CD6: variants seen among roughly 807,000 people sequenced by gnomAD.
The protein encoded by CD6 is T-cell differentiation antigen CD6.
Under a neutral mutation model 75.3 loss-of-function variants are expected in CD6, and 53 were observed. The ratio of observed to expected loss-of-function variants is 0.70; its 90% CI spans 0.56 to 0.88. The LOEUF (loss-of-function observed/expected upper bound fraction) is 0.88. CD6 is among the 40% of genes least tolerant of loss of function. The pLI, the probability that CD6 is intolerant of heterozygous loss-of-function variation, is 0.00. For missense variants in CD6, 770 were observed against 897.1 expected (o/e 0.86, Z 1.81); for synonymous variants, 359 against 381.5 (o/e 0.94, Z 0.69).
chr11:60,971,806 G>C lies in CD6; in HGVS notation c.-60G>C, dbSNP rs367630662. The C allele has an allele frequency of 6.3e-7, 1 of 1,576,246 alleles. No homozygotes were observed. The highest frequency in any genetic ancestry group is 1.1e-5 in the South Asian group (1 of 88,888). On this transcript the variant is annotated 5_prime_UTR_variant, in exon 1 of 13. Coordinates refer to ENST00000313421, the MANE Select transcript of CD6 (RefSeq NM_006725.5). ...CGCACAACGGCCGTGTCCACCTCCCGGCCCCAAGATGGTGCTTCCCACAGG... is the reference window on the plus strand; with the variant it reads ...CGCACAACGGCCGTGTCCACCTCCCCGCCCCAAGATGGTGCTTCCCACAGG...
At chr11:61,010,898 T>TG (rs1429833812) in intron 5 of CD6, among the ~76,000 whole-genome samples, 172 bp from the exon 6 acceptor site, 2 of 144,090 alleles carry the variant, frequency 1.4e-5, no homozygotes, top group Non-Finnish European at 3.1e-5. Flanking sequence ...CTCCTTACTG[T>TG]GGGGGGTGGG....
chr11:60,992,562 T>G (rs1858107859), intron 1 of CD6, among the ~76,000 whole-genome samples: 1 of 152,124 alleles, frequency 6.6e-6, no homozygotes, highest in Non-Finnish European at 1.5e-5. Context: ...GCGCTGTGGC[T>G]CACACCTGTA....
At chr11:60,996,869 A>G (rs1858324768) in intron 1 of CD6, among the ~76,000 whole-genome samples, 1 of 152,198 alleles carries the variant, frequency 6.6e-6, no homozygotes, top group South Asian at 2.1e-4. Flanking sequence ...ACTTGCTGAC[A>G]AAAAGCCTTC....
chr11:60,982,292 T>G (rs1456525176), intron 1 of CD6, among the ~76,000 whole-genome samples: 1 of 152,144 alleles, frequency 6.6e-6, no homozygotes, highest in African/African-American at 2.4e-5. Flanking sequence ...ATGAAGTCAC[T>G]GTGTCCTCGG....
intron 1 of CD6, among the ~76,000 whole-genome samples, chr11:60,978,294 A>G (rs1440215151): frequency 1.3e-5 from 2 of 152,152 alleles, no homozygotes; most frequent in Non-Finnish European, 2.9e-5. Context: ...GTTACGTCCT[A>G]CACATGAGAC....
chr11:61,011,592 C>T (rs1439432219), intron 6 of CD6, among the ~76,000 whole-genome samples: 1 of 152,216 alleles, frequency 6.6e-6, no homozygotes. Flanking sequence ...CCCTTTAATC[C>T]TCTTGGTAGC....
Position 61,011,108 on chromosome 11 carries a change from C to T in CD6, c.1123C>T (p.Pro375Ser). 1 of 1,613,908 alleles carries T rather than the reference C, an allele frequency of 6.2e-7. No individual in the cohort carries two copies. The highest frequency in any genetic ancestry group is 8.5e-7 in the Non-Finnish European group (1 of 1,179,998). Residue 375 changes from proline (P) to serine (S), a missense_variant, in exon 6 of 13, where the codon CCT becomes TCT. Coordinates refer to ENST00000313421, the MANE Select transcript of CD6 (RefSeq NM_006725.5). ...GCACAATCTGTCCACTCCCGAAGTCCCTGCAAGTGTTCAGACAGTCACTAT... is the reference window on the plus strand; with the variant it reads ...GCACAATCTGTCCACTCCCGAAGTCTCTGCAAGTGTTCAGACAGTCACTAT... ...SLHNLSTPEV[P>S]ASVQTVTIES...
At chr11:60,977,737 C>T (rs528570989) in intron 1 of CD6, among the ~76,000 whole-genome samples, 1 of 152,196 alleles carries the variant, frequency 6.6e-6, no homozygotes, top group East Asian at 1.9e-4. Flanking sequence ...TCAAGGGATC[C>T]TCCCACCTCA....
chr11:60,991,021 A>G (rs1858039469), intron 1 of CD6, among the ~76,000 whole-genome samples: 1 of 152,024 alleles, frequency 6.6e-6, no homozygotes. Flanking sequence ...TCTGCATGTG[A>G]ACAATTTTTT....
chr11:61,016,333 G>A (rs572885479), intron 9 of CD6, among the ~76,000 whole-genome samples: 5 of 152,324 alleles, frequency 3.3e-5, no homozygotes, highest in South Asian at 2.1e-4. Context: ...GAAAGATAAC[G>A]CTGAAGGCAG....
At chr11:60,983,183 A>C in intron 1 of CD6, among the ~76,000 whole-genome samples, 7 of 146,190 alleles carry the variant, frequency 4.8e-5, no homozygotes, top group Admixed American at 1.4e-4. Context: ...TGCAACCTCC[A>C]CCTCCCAGGT....
At chr11:61,017,630 G>T (rs1859471199) in intron 10 of CD6, 80 bp downstream of exon 10, 1 of 1,571,956 alleles carries the variant, frequency 6.4e-7, no homozygotes, top group African/African-American at 1.4e-5. Flanking sequence ...CCTTCCAGCA[G>T]GAACCTCCCT....
chr11:60,979,988 A>G (rs1177636274), intron 1 of CD6, among the ~76,000 whole-genome samples: 2 of 152,236 alleles, frequency 1.3e-5, no homozygotes, highest in Non-Finnish European at 2.9e-5. Flanking sequence ...AGCACCAGCT[A>G]TGCATATGCT....
At chr11:60,993,739 T>C (rs1858158740) in intron 1 of CD6, among the ~76,000 whole-genome samples, 1 of 152,074 alleles carries the variant, frequency 6.6e-6, no homozygotes, top group Non-Finnish European at 1.5e-5. Flanking sequence ...GATGAATTGG[T>C]GCCTGGGATC....
chr11:61,004,861 G>A (rs897881620), intron 1 of CD6, among the ~76,000 whole-genome samples: 3 of 152,332 alleles, frequency 2.0e-5, no homozygotes, highest in South Asian at 2.1e-4. Flanking sequence ...CAGGGAAGAC[G>A]TAAATGGAAA....
chr11:61,009,192 G>A (rs921644675), intron 4 of CD6, among the ~76,000 whole-genome samples: 3 of 152,162 alleles, frequency 2.0e-5, no homozygotes, highest in Non-Finnish European at 4.4e-5. Context: ...GGCCTCTGAG[G>A]AGGCTGTTGG....
chr11:60,989,482 G>C (rs1857971956), intron 1 of CD6: 1 of 152,484 alleles, frequency 6.6e-6, no homozygotes, highest in Admixed American at 6.5e-5. Context: ...CCCTCCTCCA[G>C]GTTCCTCAAG....
chr11:61,012,001 A>G (rs1859173997), intron 6 of CD6, among the ~76,000 whole-genome samples: 1 of 152,220 alleles, frequency 6.6e-6, no homozygotes, highest in South Asian at 2.1e-4. Context: ...TGCTATGAGT[A>G]TTTAGTTCAG....
At chr11:61,002,547 A>G (rs1445896335) in intron 1 of CD6, among the ~76,000 whole-genome samples, 1 of 152,076 alleles carries the variant, frequency 6.6e-6, no homozygotes, top group Non-Finnish European at 1.5e-5. Context: ...ACAGAGCAAG[A>G]CACTGTTTCA....
Sources: gnomAD v4.1 joint callset for allele counts (sites outside exome capture counted in the v4.1 genomes callset) on GRCh38, gnomAD v4.1.1 for gene constraint, MANE v1.5 for transcripts, NCBI Gene and HGNC (gene_info 2026-07-23, HGNC 2026-07-21) for gene names.